KCNN1: variants seen among roughly 807,000 people sequenced by gnomAD.
The protein encoded by KCNN1 is small conductance calcium-activated potassium channel protein 1.
In KCNN1, 20 loss-of-function variants were observed where a neutral mutation model predicts 44.7. The observed-to-expected ratio is 0.45, with a 90% CI of 0.32 to 0.65. KCNN1 has a LOEUF of 0.65. Ranked by LOEUF, KCNN1 falls within the 30% of genes least tolerant of loss-of-function variation. The pLI is 0.05. For missense variants in KCNN1, 632 were observed against 785.3 expected (o/e 0.80, Z 2.33); for synonymous variants, 324 against 341.7 (o/e 0.95, Z 0.57).
chr19:17,985,223 C>G, intron 4 of KCNN1, 89 bp from the exon 5 acceptor site: 1 of 1,358,126 alleles, frequency 7.4e-7, no homozygotes, highest in East Asian at 2.6e-5. Flanking sequence ...TCAGGGCCCT[C>G]CAGCCCTGGC....
chr19:17,990,523 G>A (rs528578358), intron 7 of KCNN1, among the ~76,000 whole-genome samples: 59 of 148,748 alleles, frequency 4.0e-4, no homozygotes, highest in African/African-American at 1.2e-3. Context: ...AAAAAAGGCC[G>A]GGCGCGGTGG....
chr19:17,974,269 G>C lies in KCNN1; in HGVS notation c.381G>C (p.Leu127=). 6.3e-7 allele frequency: 1 copy of C among 1,581,850 alleles called. No homozygotes were observed. Among genetic ancestry groups the C allele is most frequent in the Non-Finnish European group, 8.6e-7 (1 of 1,161,446 alleles). ...TCGTCATGGTGACGGAGACCGAGCT[G>C]TCCTGGGGGGTGTACACCAAGGTAG... ...GIVVMVTETE[L]SWGVYTKESL... is the part of the protein sequence containing the mutation. The change falls in exon 2 of 10, where the codon CTG becomes CTC. Residue 127 remains leucine, a synonymous_variant. Transcript: ENST00000684775. This position sits in a 1 kb window ranked among gnomAD's most constrained non-coding sequence, Gnocchi z 7.3.
At chr19:17,952,672 C>T (rs2031442703) in intron 1 of KCNN1, among the ~76,000 whole-genome samples, 1 of 152,120 alleles carries the variant, frequency 6.6e-6, no homozygotes. Context: ...CCGCTGGTTC[C>T]CGTTGCCCCC....
At chr19:17,967,097 C>G (rs2031834684), upstream of KCNN1, 3 of 980,398 alleles carry the variant, frequency 3.1e-6, no homozygotes, top group African/African-American at 1.8e-5. Flanking sequence ...CCTTCTCTCC[C>G]GGCCCGGGCG....
chr19:17,989,993 G>A, intron 7 of KCNN1, 150 bp downstream of exon 7: 1 of 1,091,080 alleles, frequency 9.2e-7, no homozygotes, highest in Non-Finnish European at 1.4e-6. Flanking sequence ...GTGGATGGGA[G>A]GATCTTCAGA....
rs1599366619 is a variant in KCNN1 at position 17,982,616 on chromosome 19, C to G, written c.917+489C>G. On this transcript the variant is annotated intron_variant, in intron 4 of 9. Transcript: ENST00000684775. The stretch of plus-strand genomic sequence containing the variant: ...CCGCTGAGCTGTGTGCGCAGAGCAG[C>G]CACTGCCACCGCTGCCGCCATCCCC... 3 of 983,072 alleles carry G rather than the reference C, an allele frequency of 3.1e-6. No individual in the cohort carries two copies. In the East Asian group the frequency reaches 3.4e-4, roughly 112 times the overall value. 60.9% of individuals were successfully genotyped at this position (983,072 alleles called of 1,614,324 possible). A position where few individuals can be genotyped will look rare whatever the true frequency, so the allele number is the denominator to read the frequency against.
At position 17,967,285 on chromosome 19, in the gene KCNN1, G is replaced by T; in HGVS notation, c.-114G>T. 1 of 985,414 alleles carries T rather than the reference G, an allele frequency of 1.0e-6. No homozygotes were observed. Among genetic ancestry groups the T allele is most frequent in the Non-Finnish European group, 1.2e-6 (1 of 829,854 alleles). The allele number at this position is 985,414 out of a possible 1,614,324, so 61.0% of individuals were successfully genotyped here. A position where few individuals can be genotyped will look rare whatever the true frequency, so the allele number is the denominator to read the frequency against. On this transcript the variant is annotated 5_prime_UTR_variant, in exon 1 of 10. Coordinates refer to ENST00000684775, the MANE Select transcript of KCNN1 (RefSeq NM_001386974.1). Reference sequence around the variant, plus strand: ...GCCGCGCGGGACCCTCTCCCCTCCAGCCTTGTCCGCCCGCTCGGGCCGAGC... The same window carrying T: ...GCCGCGCGGGACCCTCTCCCCTCCATCCTTGTCCGCCCGCTCGGGCCGAGC...
At position 17,955,569 on chromosome 19, in the gene KCNN1, AAAAAAAAAAAG is replaced by A. The variant is rs1030921453; in HGVS notation, c.-82+892_-82+902del. Among the ~76,000 whole-genome samples the A allele has an allele frequency of 1.2e-3, 174 of 149,650 alleles. 1 individual carries two copies. Among genetic ancestry groups the A allele is most frequent in the African/African-American group, 4.0e-3 (165 of 41,114 alleles). ...AGAGTGAAACTCCATCTCCAAAAAA[AAAAAAAAAAAG>A]AAAGAAAGAAAAAAAATAATAATAT... is the stretch of plus-strand genomic sequence containing the variant. On this transcript the variant is annotated intron_variant, in intron 2 of 10. Transcript: ENST00000222249.
intron 1 of KCNN1, 119 bp from the exon 2 acceptor site, chr19:17,973,689 G>T (rs113555546): frequency 3.4e-6 from 4 of 1,189,550 alleles, no homozygotes; most frequent in Non-Finnish European, 4.5e-6. Context: ...GTAAACCCAC[G>T]TGTCAGCACT....
At chr19:17,987,191 C>T (rs1258104925) in intron 5 of KCNN1, among the ~76,000 whole-genome samples, 1 of 151,842 alleles carries the variant, frequency 6.6e-6, no homozygotes, top group African/African-American at 2.4e-5. Flanking sequence ...CTCACTGCAA[C>T]CTTCCCCTCC....
At chr19:17,988,798 C>T (rs922900737) in intron 6 of KCNN1, among the ~76,000 whole-genome samples, 2 of 151,946 alleles carry the variant, frequency 1.3e-5, no homozygotes, top group East Asian at 3.9e-4. Context: ...GTAGTCCCAT[C>T]CACTTGGGAG....
At position 17,958,761 on chromosome 19, in the gene KCNN1, G is replaced by A. The variant is rs191163959; in HGVS notation, c.-82+4080G>A. On this transcript the variant is annotated intron_variant, in intron 2 of 10. Transcript: ENST00000222249. ...CGCCCAGGCTGGAGTGCAGTGGCGC[G>A]ATCTCGGCTCACTGCAAGTTCTGCC... is the stretch of plus-strand genomic sequence containing the variant. Among the ~76,000 whole-genome samples the A allele has an allele frequency of 9.4e-4, 142 of 151,340 alleles. 1 individual carries two copies. The East Asian group carries it at 0.023, about 25-fold the overall frequency.
In KCNN1 at chr19:17,983,651, G is replaced by A. The variant is rs1189088116; in HGVS notation, c.917+1524G>A. On this transcript the variant is annotated intron_variant, in intron 4 of 9. Coordinates refer to ENST00000684775, the MANE Select transcript of KCNN1 (RefSeq NM_001386974.1). The surrounding 1 kb of genome is among the most constrained non-coding windows in gnomAD (Gnocchi z 4.5). ...GCCAATCCTAAATTCTGAGCCTGGC[G>A]ACAATGCTTGAAGCCCCCTTGCCTG... Among the ~76,000 whole-genome samples the A allele has an allele frequency of 3.9e-5, 6 of 152,162 alleles. No homozygotes were observed. The highest frequency in any genetic ancestry group is 6.5e-5 in the Admixed American group (1 of 15,288).
intron 1 of KCNN1, among the ~76,000 whole-genome samples, chr19:17,971,616 C>T (rs1367033229): frequency 1.3e-5 from 2 of 152,000 alleles, no homozygotes; most frequent in Non-Finnish European, 2.9e-5. Flanking sequence ...GCATGGGCCA[C>T]CACGCCCAGC....
intron 1 of KCNN1, among the ~76,000 whole-genome samples, chr19:17,969,861 T>A (rs2031950647): frequency 6.6e-6 from 1 of 152,160 alleles, no homozygotes; most frequent in Non-Finnish European, 1.5e-5. Context: ...GAGGGCAGGA[T>A]CTGGGGTTCC....
chr19:17,989,662 A>T, intron 6 of KCNN1, 54 bp from the exon 7 acceptor site: 1 of 1,611,122 alleles, frequency 6.2e-7, no homozygotes, highest in South Asian at 1.1e-5. Context: ...ACATTTCTGG[A>T]GCCTTTTGGA....
intron 2 of KCNN1, 87 bp from the exon 3 acceptor site, chr19:17,975,005 A>G: frequency 1.0e-6 from 1 of 1,004,278 alleles, no homozygotes; most frequent in Non-Finnish European, 1.6e-6. Flanking sequence ...GCTGACTCCC[A>G]TGCCCGGGAG....
At chr19:17,956,966 C>T (rs943481857) in intron 2 of KCNN1, among the ~76,000 whole-genome samples, 3 of 151,330 alleles carry the variant, frequency 2.0e-5, no homozygotes, top group Non-Finnish European at 1.5e-5. Flanking sequence ...GCAGGAGAAT[C>T]GCTTGAACCA....
intron 2 of KCNN1, among the ~76,000 whole-genome samples, chr19:17,961,430 A>G (rs779585754): frequency 3.3e-5 from 5 of 151,898 alleles, no homozygotes; most frequent in Non-Finnish European, 7.4e-5. Flanking sequence ...AAACAAAAAG[A>G]AAAGAAAAAG....
Sources: allele counts gnomAD v4.1 joint callset (sites outside exome capture counted in the v4.1 genomes callset), GRCh38; gene constraint gnomAD v4.1.1; non-coding constraint Gnocchi (gnomAD v3.1); transcripts MANE v1.5; gene names NCBI Gene and HGNC (gene_info 2026-07-23, HGNC 2026-07-21).